The following GCM1 variants were observed in gnomAD, a reference collection of about 807,000 sequenced individuals.
The protein encoded by GCM1 is chorion-specific transcription factor GCMa.
A neutral mutation model predicts 25.7 loss-of-function variants in GCM1; 2 were observed. That is an observed-to-expected ratio of 0.08 (90% CI 0.03 to 0.24). The LOEUF is 0.24. GCM1 is among the 10% of genes least tolerant of loss of function. The pLI, the probability that GCM1 is intolerant of heterozygous loss-of-function variation, is 1.00. For synonymous variants in GCM1, 183 were observed against 195.7 expected, an observed-to-expected ratio of 0.94 and a Z score of 0.54; for missense variants, 395 against 538.7, an observed-to-expected ratio of 0.73 and a Z score of 2.64.
chr6:53,139,116 G>A (rs1437369003), intron 2 of GCM1, among the ~76,000 whole-genome samples: 1 of 151,864 alleles, frequency 6.6e-6, no homozygotes, highest in African/African-American at 2.4e-5. Context: ...TATATAAATA[G>A]CTTATTCATT....
At chr6:53,136,651 C>T (rs889994407) in intron 2 of GCM1, among the ~76,000 whole-genome samples, 13 of 152,280 alleles carry the variant, frequency 8.5e-5, no homozygotes, top group Admixed American at 4.6e-4. Context: ...CTTCATGCTT[C>T]ATACCTTGCC....
At chr6:53,133,465 T>G (rs185407542) in intron 3 of GCM1, among the ~76,000 whole-genome samples, 106 of 152,086 alleles carry the variant, frequency 7.0e-4, no homozygotes, top group South Asian at 1.9e-3. Flanking sequence ...GTGCTGGGAT[T>G]GTAGGCATGA....
chr6:53,132,356 A>G (rs1359520638), intron 3 of GCM1, among the ~76,000 whole-genome samples: 2 of 152,170 alleles, frequency 1.3e-5, no homozygotes, highest in Non-Finnish European at 2.9e-5. Context: ...CAAGTAGGAT[A>G]TTTCACAGGT....
At chr6:53,137,129 G>T (rs1299810850) in intron 2 of GCM1, among the ~76,000 whole-genome samples, 1 of 152,160 alleles carries the variant, frequency 6.6e-6, no homozygotes, top group Non-Finnish European at 1.5e-5. Context: ...AAGGGGGAAG[G>T]GTATAAATAA....
At chr6:53,145,149 A>T (rs993595970) in intron 2 of GCM1, among the ~76,000 whole-genome samples, 1 of 152,218 alleles carries the variant, frequency 6.6e-6, no homozygotes, top group African/African-American at 2.4e-5. Context: ...AGCACATTCC[A>T]TTTAGACATG....
rs868181895 is a variant in GCM1 at position 53,134,191 on chromosome 6, C to T, written c.209G>A (p.Arg70His). The T allele has an allele frequency of 4.3e-6, 7 of 1,613,998 alleles. No homozygotes were observed. The African/African-American group carries it at 6.7e-5, about 15-fold the overall frequency. ...AMRNTNNHNS[R>H]ILKKSCLGVV... ...ACCCAGGCAGGACTTCTTGAGGATGCGGGAGTTGTGGTTGTTGGTATTGCG... is the reference window on the plus strand; with the variant it reads ...ACCCAGGCAGGACTTCTTGAGGATGTGGGAGTTGTGGTTGTTGGTATTGCG... Residue 70 changes from arginine to histidine, a missense_variant, in exon 3 of 6, where the codon CGC becomes CAC. This residue lies in a region of GCM1 where 7 missense variants were observed against 42.8 expected (regional missense o/e 0.16). Coordinates refer to ENST00000259803, the MANE Select transcript of GCM1 (RefSeq NM_003643.4).
At chr6:53,130,576 T>G (rs923773419) in intron 5 of GCM1, among the ~76,000 whole-genome samples, 15 of 152,252 alleles carry the variant, frequency 9.9e-5, no homozygotes, top group African/African-American at 3.6e-4. Flanking sequence ...GGGAAGATGA[T>G]TCTCCAATTA....
At chr6:53,144,421 T>TAA (rs766498725) in intron 2 of GCM1, among the ~76,000 whole-genome samples, 14 of 121,158 alleles carry the variant, frequency 1.2e-4, no homozygotes, top group Admixed American at 3.4e-4. Flanking sequence ...CAAACCCATC[T>TAA]AAAAAAAAAA....
chr6:53,145,821 C>A (rs547704889), intron 1 of GCM1, 53 bp from the exon 2 acceptor site: 214 of 494,952 alleles, frequency 4.3e-4, no homozygotes, highest in Non-Finnish European at 5.7e-4. Flanking sequence ...TAAAAAAAAA[C>A]CCCAATGCTC....
intron 2 of GCM1, among the ~76,000 whole-genome samples, chr6:53,141,129 T>C (rs139595927): frequency 7.9e-4 from 121 of 152,346 alleles, no homozygotes; most frequent in Non-Finnish European, 1.5e-3. Context: ...ATTGATTCTC[T>C]ATTTAGGCAG....
intron 2 of GCM1, among the ~76,000 whole-genome samples, chr6:53,140,258 T>C (rs559655848): frequency 3.9e-5 from 6 of 152,128 alleles, no homozygotes; most frequent in Non-Finnish European, 5.9e-5. Flanking sequence ...GGGATAATAA[T>C]TGACAAGAAA....
intron 3 of GCM1, among the ~76,000 whole-genome samples, chr6:53,132,717 T>TAA: frequency 6.6e-6 from 1 of 152,022 alleles, no homozygotes; most frequent in South Asian, 2.1e-4. Context: ...GTCTCAAAAA[T>TAA]AAAAAAGAGA....
chr6:53,145,194 G>C (rs767846128), intron 2 of GCM1, among the ~76,000 whole-genome samples: 1 of 152,118 alleles, frequency 6.6e-6, no homozygotes, highest in Admixed American at 6.5e-5. Context: ...AGCAAATAAG[G>C]TTGTATGAGG....
chr6:53,142,440 A>G (rs1763889144), intron 2 of GCM1, among the ~76,000 whole-genome samples: 1 of 152,258 alleles, frequency 6.6e-6, no homozygotes, highest in South Asian at 2.1e-4. Flanking sequence ...CCAAGCCTGC[A>G]GTCAAGAAAT....
At chr6:53,130,198 C>T (rs865978759) in intron 5 of GCM1, among the ~76,000 whole-genome samples, 1 of 152,102 alleles carries the variant, frequency 6.6e-6, no homozygotes, top group Non-Finnish European at 1.5e-5. Context: ...AAATGTGCAC[C>T]TTTGAACAGT....
chr6:53,147,571 G>C (rs1763977367), intron 1 of GCM1, among the ~76,000 whole-genome samples: 1 of 151,612 alleles, frequency 6.6e-6, no homozygotes, highest in Non-Finnish European at 1.5e-5. Context: ...TGGGATTACA[G>C]GCACGCACCA....
intron 1 of GCM1, among the ~76,000 whole-genome samples, chr6:53,146,216 ATTTTTT>A (rs70980806): frequency 2.2e-3 from 224 of 101,366 alleles, no homozygotes; most frequent in African/African-American, 6.7e-3. Context: ...ATATATATAT[ATTTTTT>A]TTTTTTTTTT....
At chr6:53,147,061 A>G (rs1191998147) in intron 1 of GCM1, among the ~76,000 whole-genome samples, 3 of 152,140 alleles carry the variant, frequency 2.0e-5, no homozygotes, top group African/African-American at 7.2e-5. Context: ...ATGAATGAAT[A>G]AATAAATAAA....
rs1399106125 is a variant in GCM1 at position 53,128,669 on chromosome 6, G to A, written c.848C>T (p.Ser283Phe). The A allele has an allele frequency of 6.2e-7, 1 of 1,614,028 alleles. No individual in the cohort carries two copies. Among genetic ancestry groups the A allele is most frequent in the Non-Finnish European group, 8.5e-7 (1 of 1,179,856 alleles). Residue 283 changes from serine (S) to phenylalanine (F), a missense_variant, in exon 6 of 6, where the codon TCT becomes TTT. Ser to Phe is a radical substitution (Grantham distance 155, BLOSUM62 -2). This residue lies in a region of GCM1 where 291 missense variants were observed against 314.6 expected (regional missense o/e 0.92). Coordinates refer to ENST00000259803, the MANE Select transcript of GCM1 (RefSeq NM_003643.4). ...ATGATCAGAGTAGACTCCGGAGGCA[G>A]AAGGAGGAAGCAGGTCTCCACTACT... ...TYSSGDLLPP[S>F]ASGVYSDHGD...
Sources: allele counts gnomAD v4.1 joint callset (sites outside exome capture counted in the v4.1 genomes callset), GRCh38; gene constraint gnomAD v4.1.1; regional missense constraint gnomAD v4.1.1; transcripts MANE v1.5; gene names NCBI Gene and HGNC (gene_info 2026-07-23, HGNC 2026-07-21).